ADARB2: variants seen among roughly 807,000 people sequenced by gnomAD.
ADARB2 encodes inactive double-stranded RNA-specific editase B2.
Under a neutral mutation model 62.2 loss-of-function variants are expected in ADARB2, and 25 were observed. The ratio of observed to expected loss-of-function variants is 0.40; its 90% CI spans 0.29 to 0.56. The LOEUF (loss-of-function observed/expected upper bound fraction) is 0.56. Ranked by LOEUF, ADARB2 falls within the 20% of genes least tolerant of loss-of-function variation. The pLI is 0.43. For synonymous variants in ADARB2, 572 were observed against 500.8 expected (o/e 1.14, Z -1.90); for missense variants, 1,071 against 1,077.4 (o/e 0.99, Z 0.08).
At chr10:1,418,951 C>T (rs1161853611) in intron 1 of ADARB2, among the ~76,000 whole-genome samples, 2 of 152,040 alleles carry the variant, frequency 1.3e-5, no homozygotes, top group Non-Finnish European at 2.9e-5. Context: ...GCTGCATGGT[C>T]GAGGAAAGAA....
chr10:1,297,875 G>A (rs1473283505), intron 3 of ADARB2, among the ~76,000 whole-genome samples: 1 of 152,190 alleles, frequency 6.6e-6, no homozygotes, highest in Non-Finnish European at 1.5e-5. Flanking sequence ...ATGGCTGGAG[G>A]CCAGGAGAGA....
At chr10:1,565,459 T>C (rs376962392) in intron 1 of ADARB2, among the ~76,000 whole-genome samples, 50 of 152,256 alleles carry the variant, frequency 3.3e-4, no homozygotes, top group African/African-American at 1.0e-3. Context: ...TCCATGGATA[T>C]ACTTGGAATT....
At chr10:1,667,725 G>A (rs1410683128) in intron 1 of ADARB2, among the ~76,000 whole-genome samples, 2 of 152,100 alleles carry the variant, frequency 1.3e-5, no homozygotes, top group Non-Finnish European at 2.9e-5. Flanking sequence ...CTGCTCAATT[G>A]TCCTAAAAAG....
Position 1,687,696 on chromosome 10 carries a change from A to G in ADARB2, c.100+49355T>C, listed in dbSNP as rs928588363. ...TGAGGACAAGGATTTTCCTGCCAAG[A>G]GTATAAAGACCCCCGGGTCCAAGGC... On this transcript the variant is annotated intron_variant, in intron 1 of 9. Transcript: ENST00000381312. Among the ~76,000 whole-genome samples the G allele has an allele frequency of 9.3e-5, 14 of 151,286 alleles. 1 individual carries two copies. Among genetic ancestry groups the G allele is most frequent in the Non-Finnish European group, 1.5e-5 (1 of 67,940 alleles).
intron 7 of ADARB2, among the ~76,000 whole-genome samples, chr10:1,210,874 C>T (rs552361345): frequency 3.3e-5 from 5 of 152,218 alleles, no homozygotes; most frequent in South Asian, 2.1e-4. Context: ...GACGTCTCCT[C>T]GGGACGAGTC....
Position 1,393,762 on chromosome 10 carries a change from T to G in ADARB2, c.101-14602A>C, listed in dbSNP as rs564525875. Reference sequence around the variant, plus strand: ...ATTGTTCTGTGTGCCCTTCCAGATGTGAGCGGTGGGCACAGATACAGGTGG... The same window carrying G: ...ATTGTTCTGTGTGCCCTTCCAGATGGGAGCGGTGGGCACAGATACAGGTGG... On this transcript the variant is annotated intron_variant, in intron 1 of 9. Coordinates refer to ENST00000381312, the MANE Select transcript of ADARB2 (RefSeq NM_018702.4). 1.9e-4 allele frequency among the ~76,000 whole-genome samples: 29 copies of G among 152,340 alleles called. No individual in the cohort carries two copies. The South Asian group carries it at 5.4e-3, about 28-fold the overall frequency.
chr10:1,433,315 T>C (rs1182697236), intron 1 of ADARB2, among the ~76,000 whole-genome samples: 3 of 152,156 alleles, frequency 2.0e-5, no homozygotes, highest in African/African-American at 7.2e-5. Context: ...CACTGGCCAA[T>C]GTCATTCTCA....
chr10:1,314,496 C>T (rs1313047518), intron 3 of ADARB2, among the ~76,000 whole-genome samples: 1 of 152,172 alleles, frequency 6.6e-6, no homozygotes, highest in Non-Finnish European at 1.5e-5. Flanking sequence ...CCACATCGGC[C>T]CTTCCACGGC....
chr10:1,611,164 T>C (rs1037632585), intron 1 of ADARB2, among the ~76,000 whole-genome samples: 2 of 152,110 alleles, frequency 1.3e-5, no homozygotes, highest in Non-Finnish European at 2.9e-5. Flanking sequence ...CCAGAAAGGC[T>C]GAGGAGTGTC....
chr10:1,242,014 A>T, intron 5 of ADARB2, 117 bp downstream of exon 5: 1 of 1,135,546 alleles, frequency 8.8e-7, no homozygotes, highest in Non-Finnish European at 1.2e-6. Context: ...TTTCTGGCTC[A>T]CCCTGTGCCA....
intron 7 of ADARB2, among the ~76,000 whole-genome samples, chr10:1,210,158 A>G (rs956026922): frequency 6.6e-6 from 1 of 152,266 alleles, no homozygotes; most frequent in African/African-American, 2.4e-5. Flanking sequence ...CTTTTGATAC[A>G]AAAGATCATT....
At chr10:1,448,376 A>T (rs556998194) in intron 1 of ADARB2, among the ~76,000 whole-genome samples, 13 of 152,316 alleles carry the variant, frequency 8.5e-5, no homozygotes, top group African/African-American at 3.1e-4. Context: ...TGCATGTGTC[A>T]GGACTCCCTT....
At chr10:1,460,655 T>A in intron 1 of ADARB2, among the ~76,000 whole-genome samples, 3 of 110,090 alleles carry the variant, frequency 2.7e-5, no homozygotes, top group East Asian at 2.7e-4. Flanking sequence ...AGTTTACCTG[T>A]GTAACGAACC....
intron 6 of ADARB2, among the ~76,000 whole-genome samples, chr10:1,228,252 T>C (rs1455747656): frequency 6.6e-6 from 1 of 152,246 alleles, no homozygotes; most frequent in Non-Finnish European, 1.5e-5. Context: ...TTTAAGCTGC[T>C]AAGTTCTCAG....
chr10:1,471,647 C>T (rs1425404351), intron 1 of ADARB2, among the ~76,000 whole-genome samples: 1 of 152,230 alleles, frequency 6.6e-6, no homozygotes, highest in Non-Finnish European at 1.5e-5. Context: ...CCCGCCTTGG[C>T]CTCCCAAAGT....
chr10:1,435,578 T>C (rs1218661294), intron 1 of ADARB2, among the ~76,000 whole-genome samples: 1 of 148,564 alleles, frequency 6.7e-6, no homozygotes, highest in African/African-American at 2.6e-5. Context: ...TCCTGCAGTG[T>C]CCTCTCATCC....
intron 1 of ADARB2, among the ~76,000 whole-genome samples, chr10:1,607,701 A>G (rs1299901514): frequency 1.1e-4 from 17 of 152,184 alleles, no homozygotes; most frequent in South Asian, 2.1e-4. Context: ...CATGCATAGA[A>G]TCATGACTCC....
chr10:1,602,765 A>G (rs1043852998), intron 1 of ADARB2, among the ~76,000 whole-genome samples: 1 of 151,770 alleles, frequency 6.6e-6, no homozygotes, highest in Admixed American at 6.6e-5. Context: ...ACCTGTACAT[A>G]CACACACATC....
intron 1 of ADARB2, among the ~76,000 whole-genome samples, chr10:1,652,303 C>T (rs563664383): frequency 7.9e-5 from 12 of 152,306 alleles, no homozygotes; most frequent in East Asian, 7.7e-4. Flanking sequence ...CACTGTGCAC[C>T]GGCCCTGCTA....
Sources: allele counts gnomAD v4.1 joint callset (sites outside exome capture counted in the v4.1 genomes callset), GRCh38; gene constraint gnomAD v4.1.1; transcripts MANE v1.5; gene names NCBI Gene and HGNC (gene_info 2026-07-23, HGNC 2026-07-21).